NOVA1: variants seen among roughly 807,000 people sequenced by gnomAD.
The protein encoded by NOVA1 is RNA-binding protein Nova-1.
A neutral mutation model predicts 38.0 loss-of-function variants in NOVA1; 7 were observed. The observed-to-expected ratio is 0.18, with a 90% CI of 0.10 to 0.35. The LOEUF (loss-of-function observed/expected upper bound fraction) is 0.35. Among genes scored for constraint, NOVA1 ranks in the 10% least tolerant of loss-of-function variants. The pLI, the probability that NOVA1 is intolerant of heterozygous loss-of-function variation, is 1.00. For missense variants in NOVA1, 460 were observed against 616.0 expected, an observed-to-expected ratio of 0.75 and a Z score of 2.68; for synonymous variants, 270 against 232.5, an observed-to-expected ratio of 1.16 and a Z score of -1.47.
chr14:26,539,386 A>C (rs1890306890), intron 2 of NOVA1, among the ~76,000 whole-genome samples: 1 of 152,198 alleles, frequency 6.6e-6, no homozygotes, highest in African/African-American at 2.4e-5. Flanking sequence ...ATACAGACAA[A>C]TCTGGAAAAC....
chr14:26,471,928 T>C (rs1884616711), intron 4 of NOVA1: 1 of 256,168 alleles, frequency 3.9e-6, no homozygotes, highest in Non-Finnish European at 7.3e-6. Flanking sequence ...CTTTTAAAGA[T>C]ATACCTTTGC....
intron 2 of NOVA1, among the ~76,000 whole-genome samples, chr14:26,533,519 C>T (rs1889866729): frequency 6.6e-6 from 1 of 152,170 alleles, no homozygotes; most frequent in African/African-American, 2.4e-5. Context: ...AATTTGTATA[C>T]ATTACTCTTT....
At chr14:26,526,715 G>C (rs1889325338) in intron 2 of NOVA1, among the ~76,000 whole-genome samples, 1 of 152,078 alleles carries the variant, frequency 6.6e-6, no homozygotes, top group Non-Finnish European at 1.5e-5. Flanking sequence ...CTTGAATTTA[G>C]AATCAAGGGG....
chr14:26,536,895 T>C (rs1410601339), intron 2 of NOVA1, among the ~76,000 whole-genome samples: 2 of 152,130 alleles, frequency 1.3e-5, no homozygotes, highest in African/African-American at 2.4e-5. Flanking sequence ...GAACATTTCA[T>C]AAACACACAC....
rs572106178 is a variant in NOVA1 at position 26,458,802 on chromosome 14, A to G, written c.520-9839T>C. On this transcript the variant is annotated intron_variant, in intron 4 of 4. Transcript: ENST00000539517. Reference sequence around the variant, plus strand: ...AAAAAACCTGTACACATACCCCCAAATCTAAAATAAATGCTGAAAGGAAAC... The same window carrying G: ...AAAAAACCTGTACACATACCCCCAAGTCTAAAATAAATGCTGAAAGGAAAC... Among the ~76,000 whole-genome samples, 22 of 152,192 alleles carry G rather than the reference A, an allele frequency of 1.4e-4. No homozygotes were observed. In the South Asian group the frequency reaches 4.6e-3, roughly 32 times the overall value.
At chr14:26,544,430 G>C (rs1890662514) in intron 2 of NOVA1, among the ~76,000 whole-genome samples, 1 of 150,182 alleles carries the variant, frequency 6.7e-6, no homozygotes. Flanking sequence ...CTGAACTTCA[G>C]AAAACCTAGG....
chr14:26,556,880 C>T (rs562837604), intron 2 of NOVA1, among the ~76,000 whole-genome samples: 1 of 152,262 alleles, frequency 6.6e-6, no homozygotes, highest in South Asian at 2.1e-4. Flanking sequence ...TGCTCAATAT[C>T]TTATGTATAT....
At chr14:26,451,212 AG>A (rs1335674234) in intron 4 of NOVA1, among the ~76,000 whole-genome samples, 8 of 152,080 alleles carry the variant, frequency 5.3e-5, no homozygotes, top group African/African-American at 1.9e-4. Flanking sequence ...GTTTTTTCAC[AG>A]TTTTTTTCTT....
intron 2 of NOVA1, among the ~76,000 whole-genome samples, chr14:26,579,477 A>G (rs770843151): frequency 4.6e-5 from 7 of 152,178 alleles, no homozygotes; most frequent in Non-Finnish European, 8.8e-5. Flanking sequence ...ATCTTATTAA[A>G]TTTATTGTCC....
rs765756993 is a variant in NOVA1, at chr14:26,597,335, AG to A, written c.101del (p.Pro34LeufsTer19). ...DSRKRPLEAP[P>X]EAGSTKRTNT... ...TGGTCCTCTTGGTGCTGCCGGCTTC[AG>A]GGGGGGCTTCCAGCGGCCTTTTCCG... On this transcript the variant is annotated frameshift_variant, in exon 1 of 5. Transcript: ENST00000539517. LOFTEE classifies it high-confidence loss of function. 4.8e-6 allele frequency: 6 copies of A among 1,260,068 alleles called. No individual in the cohort carries two copies. The highest frequency in any genetic ancestry group is 6.0e-6 in the Non-Finnish European group (6 of 994,518). The allele number at this position is 1,260,068 out of a possible 1,614,324, so 78.1% of individuals were successfully genotyped here. A position where few individuals can be genotyped will look rare whatever the true frequency, so the allele number is the denominator to read the frequency against.
chr14:26,531,613 A>G (rs931809202), intron 2 of NOVA1, among the ~76,000 whole-genome samples: 15 of 152,058 alleles, frequency 9.9e-5, no homozygotes, highest in African/African-American at 3.6e-4. Context: ...GTCTCAAAAC[A>G]AAACAAAACA....
chr14:26,561,610 G>C (rs1325984625), intron 2 of NOVA1, among the ~76,000 whole-genome samples: 3 of 152,138 alleles, frequency 2.0e-5, no homozygotes, highest in African/African-American at 7.2e-5. Flanking sequence ...ACACAAAACA[G>C]AGGTGACTTA....
At chr14:26,559,387 A>T (rs1005173710) in intron 2 of NOVA1, among the ~76,000 whole-genome samples, 1 of 152,184 alleles carries the variant, frequency 6.6e-6, no homozygotes, top group East Asian at 1.9e-4. Context: ...CACCATTTAT[A>T]AAAATGGGAT....
chr14:26,572,723 G>A (rs1205214304), intron 2 of NOVA1, among the ~76,000 whole-genome samples: 3 of 62,922 alleles, frequency 4.8e-5, no homozygotes, highest in Non-Finnish European at 8.4e-5. Flanking sequence ...ATAAGGAACC[G>A]CAGTGTGTGT....
chr14:26,471,445 T>C (rs995144925), intron 4 of NOVA1, among the ~76,000 whole-genome samples: 9 of 151,336 alleles, frequency 5.9e-5, no homozygotes, highest in African/African-American at 2.2e-4. Context: ...ATAAAGCCTT[T>C]TATTATTAAA....
intron 4 of NOVA1, among the ~76,000 whole-genome samples, chr14:26,462,782 A>G (rs971673492): frequency 1.3e-5 from 2 of 152,190 alleles, no homozygotes; most frequent in African/African-American, 4.8e-5. Flanking sequence ...GCTTTAAAGC[A>G]TATGTAATGT....
intron 2 of NOVA1, among the ~76,000 whole-genome samples, chr14:26,532,213 C>T (rs1259621196): frequency 1.3e-5 from 2 of 152,166 alleles, no homozygotes; most frequent in East Asian, 3.9e-4. Flanking sequence ...GAAAGCATAA[C>T]TCTGCACAAA....
At position 26,597,458 on chromosome 14, in the gene NOVA1, T is replaced by C. The variant is rs1894269757; in HGVS notation, c.-22A>G. 3.1e-6 allele frequency: 4 copies of C among 1,278,670 alleles called. No individual in the cohort carries two copies. The highest frequency in any genetic ancestry group is 4.0e-6 in the Non-Finnish European group (4 of 1,004,970). The allele number at this position is 1,278,670 out of a possible 1,614,324, so 79.2% of individuals were successfully genotyped here. A position where few individuals can be genotyped will look rare whatever the true frequency, so the allele number is the denominator to read the frequency against. On this transcript the variant is annotated 5_prime_UTR_variant, in exon 1 of 5. Coordinates refer to ENST00000539517, the MANE Select transcript of NOVA1 (RefSeq NM_002515.3). ...TCATGTTTGCAGTTCCTGCCGCTGC[T>C]ACCGGGAGAAGGTTCTCCCTTTTGT...
At chr14:26,573,597 C>A (rs1435484929) in intron 2 of NOVA1, among the ~76,000 whole-genome samples, 2 of 151,936 alleles carry the variant, frequency 1.3e-5, no homozygotes, top group African/African-American at 4.8e-5. Context: ...ATAGAGAATT[C>A]TCATTCTATA....
Sources: allele counts gnomAD v4.1 joint callset (sites outside exome capture counted in the v4.1 genomes callset), GRCh38; gene constraint gnomAD v4.1.1; transcripts MANE v1.5; gene names NCBI Gene and HGNC (gene_info 2026-07-23, HGNC 2026-07-21).